ARHGAP44: variants seen among roughly 807,000 people sequenced by gnomAD.
ARHGAP44 encodes rho GTPase-activating protein 44.
ARHGAP44 carries 43 observed loss-of-function variants against 106.8 expected under a neutral mutation model. The ratio of observed to expected loss-of-function variants is 0.40; its 90% CI spans 0.32 to 0.52. The LOEUF is 0.52. Ranked by LOEUF, ARHGAP44 falls within the 20% of genes least tolerant of loss-of-function variation. The pLI is 0.48. For missense variants in ARHGAP44, 866 were observed against 1,050.5 expected (o/e 0.82, Z 2.43); for synonymous variants, 439 against 410.3 (o/e 1.07, Z -0.85).
At chr17:12,812,972 G>A (rs979551043) in intron 1 of ARHGAP44, among the ~76,000 whole-genome samples, 1 of 152,142 alleles carries the variant, frequency 6.6e-6, no homozygotes, top group Non-Finnish European at 1.5e-5. Context: ...CACCCACTCA[G>A]CAATGGCAGG....
At position 12,990,073 on chromosome 17, in the gene ARHGAP44, G is replaced by C. The variant is rs1164000217; in HGVS notation, c.2359G>C (p.Gly787Arg). ...FDIPSIHIEL[G>R]STLRLSPLEH... ...TATTCCCTCGATCCACATAGAGCTC[G>C]GGTCGACGCTCCGCCTGAGTCCCCT... Residue 787 changes from glycine to arginine, a missense_variant, in exon 21 of 21, where the codon GGG becomes CGG. Physicochemically the swap from Gly to Arg is moderately radical, Grantham distance 125. This residue lies in a region of ARHGAP44 where 418 missense variants were observed against 403.6 expected (regional missense o/e 1.04). Coordinates refer to ENST00000379672, the MANE Select transcript of ARHGAP44 (RefSeq NM_014859.6). The C allele has an allele frequency of 1.2e-6, 2 of 1,612,450 alleles. No homozygotes were observed. Among genetic ancestry groups the C allele is most frequent in the Non-Finnish European group, 1.7e-6 (2 of 1,178,956 alleles).
chr17:12,906,276 C>A (rs2037542914), intron 3 of ARHGAP44, among the ~76,000 whole-genome samples: 1 of 152,130 alleles, frequency 6.6e-6, no homozygotes, highest in Non-Finnish European at 1.5e-5. Flanking sequence ...CTCCACACAC[C>A]AAGCAGTTCC....
intron 1 of ARHGAP44, among the ~76,000 whole-genome samples, chr17:12,822,568 G>C (rs2034802809): frequency 6.6e-6 from 1 of 152,124 alleles, no homozygotes; most frequent in Non-Finnish European, 1.5e-5. Flanking sequence ...AATTATTTAT[G>C]GAAAGAAACC....
At chr17:12,944,535 G>C (rs2038797916) in intron 10 of ARHGAP44, among the ~76,000 whole-genome samples, 1 of 151,900 alleles carries the variant, frequency 6.6e-6, no homozygotes, top group Admixed American at 6.6e-5. Context: ...CACAAGGCTG[G>C]AGTGCAGTGG....
At chr17:12,928,307 C>A (rs1377079750) in intron 6 of ARHGAP44, among the ~76,000 whole-genome samples, 1 of 152,172 alleles carries the variant, frequency 6.6e-6, no homozygotes, top group Non-Finnish European at 1.5e-5. Flanking sequence ...GTGAGGATTT[C>A]CATACTCAAA....
chr17:12,903,330 G>T (rs2037452581), intron 3 of ARHGAP44, among the ~76,000 whole-genome samples: 1 of 152,128 alleles, frequency 6.6e-6, no homozygotes, highest in South Asian at 2.1e-4. Context: ...GGGACAGTCT[G>T]TCTTTCCTTC....
intron 3 of ARHGAP44, among the ~76,000 whole-genome samples, chr17:12,900,416 C>T (rs2037341549): frequency 6.6e-6 from 1 of 151,970 alleles, no homozygotes; most frequent in Admixed American, 6.6e-5. Flanking sequence ...CGTGAGCCAC[C>T]ACACCCGGCC....
chr17:12,899,462 T>TTA (rs2037308755), intron 3 of ARHGAP44, among the ~76,000 whole-genome samples: 1 of 152,124 alleles, frequency 6.6e-6, no homozygotes, highest in Non-Finnish European at 1.5e-5. Flanking sequence ...CATTAAGAGA[T>TTA]GTAATAGGAA....
intron 3 of ARHGAP44, among the ~76,000 whole-genome samples, chr17:12,899,568 G>A (rs2037311689): frequency 8.0e-6 from 1 of 124,708 alleles, no homozygotes; most frequent in Non-Finnish European, 1.6e-5. Flanking sequence ...AGCAATGGGT[G>A]AAAAGGAAAA....
intron 1 of ARHGAP44, among the ~76,000 whole-genome samples, chr17:12,838,094 C>T (rs772867887): frequency 1.3e-5 from 2 of 152,032 alleles, no homozygotes; most frequent in Non-Finnish European, 2.9e-5. Context: ...ATTTCTTCAT[C>T]GTTGTAAATA....
intron 1 of ARHGAP44, among the ~76,000 whole-genome samples, chr17:12,889,547 T>C (rs904612005): frequency 3.3e-5 from 5 of 152,174 alleles, no homozygotes; most frequent in African/African-American, 4.8e-5. Context: ...CACCACTGCA[T>C]TGGGGATCCG....
At chr17:12,982,255 T>C (rs2039851871) in intron 19 of ARHGAP44, among the ~76,000 whole-genome samples, 1 of 152,084 alleles carries the variant, frequency 6.6e-6, no homozygotes, top group South Asian at 2.1e-4. Context: ...TTTTGAAAGG[T>C]ATACATTTCT....
chr17:12,961,303 A>G (rs1289412085), intron 16 of ARHGAP44, among the ~76,000 whole-genome samples: 4 of 152,198 alleles, frequency 2.6e-5, no homozygotes, highest in African/African-American at 7.2e-5. Flanking sequence ...CTGCTTAAGA[A>G]TTTTCTAAAT....
chr17:12,830,974 T>G, intron 1 of ARHGAP44, among the ~76,000 whole-genome samples: 1 of 152,226 alleles, frequency 6.6e-6, no homozygotes, highest in East Asian at 1.9e-4. Flanking sequence ...CACGTCCCCT[T>G]CTGACTTTGC....
At chr17:12,860,565 TAC>T (rs2036040501) in intron 1 of ARHGAP44, among the ~76,000 whole-genome samples, 1 of 152,246 alleles carries the variant, frequency 6.6e-6, no homozygotes, top group Admixed American at 6.5e-5. Flanking sequence ...TATCTACAGA[TAC>T]ATCTATTGAT....
intron 1 of ARHGAP44, among the ~76,000 whole-genome samples, chr17:12,830,719 C>T (rs995135361): frequency 1.6e-4 from 24 of 151,190 alleles, no homozygotes; most frequent in Non-Finnish European, 2.9e-5. Flanking sequence ...AGCAGCTAAA[C>T]AAAAACCGAA....
chr17:12,969,477 T>C (rs60877481), intron 16 of ARHGAP44, among the ~76,000 whole-genome samples: 15,774 of 152,242 alleles, frequency 0.1, 930 homozygotes, highest in South Asian at 0.2. Context: ...AAAGGATGAT[T>C]CGAGGATAAT....
At chr17:12,919,977 G>A in intron 6 of ARHGAP44, 146 bp downstream of exon 6, 1 of 638,590 alleles carries the variant, frequency 1.6e-6, no homozygotes, top group South Asian at 2.0e-5. Flanking sequence ...GGTAGTCACA[G>A]TGAACTCGAG....
At chr17:12,948,573 A>T (rs905244501) in intron 10 of ARHGAP44, among the ~76,000 whole-genome samples, 3 of 152,106 alleles carry the variant, frequency 2.0e-5, no homozygotes, top group Admixed American at 2.0e-4. Flanking sequence ...TGGGAGACTG[A>T]ACACGAGAAT....
Sources: gnomAD v4.1 joint callset for allele counts (sites outside exome capture counted in the v4.1 genomes callset) on GRCh38, gnomAD v4.1.1 for gene constraint, gnomAD v4.1.1 regional missense constraint, MANE v1.5 for transcripts, NCBI Gene and HGNC (gene_info 2026-07-23, HGNC 2026-07-21) for gene names.